Variants in ZNF98 observed in about 807,000 individuals in gnomAD.
ZNF98 encodes the protein zinc finger protein 98.
A neutral mutation model predicts 12.8 loss-of-function variants in ZNF98; 8 were observed. The ratio of observed to expected loss-of-function variants is 0.63; its 90% confidence interval spans 0.37 to 1.13. The LOEUF (loss-of-function observed/expected upper bound fraction) is 1.13. Among genes scored for constraint, ZNF98 ranks in the 50% most tolerant of loss-of-function variants. ZNF98 has a pLI of 0.01. For missense variants in ZNF98, 379 were observed against 666.1 expected (o/e 0.57, Z 4.74); for synonymous variants, 112 against 223.5 (o/e 0.50, Z 4.45).
At chr19:22,414,232 C>CAAAAAAAAAAAAAAAAAAAAAA (rs57966582) in intron 1 of ZNF98, among the ~76,000 whole-genome samples, 7 of 89,390 alleles carry the variant, frequency 7.8e-5, no homozygotes, top group East Asian at 3.2e-4. Flanking sequence ...GACTCCATCT[C>CAAAAAAAAAAAAAAAAAAAAAA]AAAAAAAAAA....
At position 22,392,667 on chromosome 19, in the gene ZNF98, A is replaced by G; in HGVS notation, c.568T>C (p.Ser190Pro). Residue 190 changes from serine (S) to proline (P), a missense_variant, in exon 4 of 4, where the codon TCA becomes CCA. Transcript: ENST00000357774. Reference protein sequence around the residue: ...KSFKCKECEKSFCMLSHLAQH... With the variant: ...KSFKCKECEKPFCMLSHLAQH... Reference sequence around the variant, plus strand: ...GCTAAGTGTGAAAGCATGCAAAATGACTTTTCACATTCTTTACACTTGAAA... The same window carrying G: ...GCTAAGTGTGAAAGCATGCAAAATGGCTTTTCACATTCTTTACACTTGAAA... The G allele has an allele frequency of 6.3e-7, 1 of 1,594,394 alleles. No homozygotes were observed.
chr19:22,409,905 C>CT (rs1338181900), intron 1 of ZNF98, among the ~76,000 whole-genome samples: 1 of 100,888 alleles, frequency 9.9e-6, no homozygotes, highest in African/African-American at 4.1e-5. Flanking sequence ...GAACGAGACT[C>CT]TATCTCACAA....
At chr19:22,407,851 C>T (rs1234237543) in intron 1 of ZNF98, among the ~76,000 whole-genome samples, 3 of 151,988 alleles carry the variant, frequency 2.0e-5, no homozygotes, top group Non-Finnish European at 4.4e-5. Flanking sequence ...GGGCAGATCA[C>T]GTGAGAACAG....
In ZNF98 at chr19:22,407,298, C is replaced by G. The variant is rs527914038; in HGVS notation, c.31-3786G>C. Among the ~76,000 whole-genome samples, 15 of 151,900 alleles carry G rather than the reference C, an allele frequency of 9.9e-5. 1 individual carries two copies. In the South Asian group the frequency reaches 2.9e-3, roughly 30 times the overall value. ...TTTCGAACTCTTGACCTCAGATGAT[C>G]CCCCTGCCTTGGCTTCCCAAAGTGC... On this transcript the variant is annotated intron_variant, in intron 1 of 3. Coordinates refer to ENST00000357774, the MANE Select transcript of ZNF98 (RefSeq NM_001098626.2).
chr19:22,396,450 CAAAG>C (rs1969395487), intron 3 of ZNF98, among the ~76,000 whole-genome samples: 1 of 151,484 alleles, frequency 6.6e-6, no homozygotes, highest in African/African-American at 2.4e-5. Context: ...CAAAAAGACA[CAAAG>C]AGAGAAAATG....
rs1555704150 is a variant in ZNF98 at position 22,403,272 on chromosome 19, A to AAC, written c.157+113_157+114insGT. ...AATCTTGAAGTTAAAAAAAAAAAAC[A>AAC]AAAAAAAAAAACAGAGATCTGAAAG... On this transcript the variant is annotated intron_variant, in intron 2 of 3. Transcript: ENST00000357774. 498 of 945,258 alleles carry AAC rather than the reference A, an allele frequency of 5.3e-4. 1 individual carries two copies. Among genetic ancestry groups the AAC allele is most frequent in the South Asian group, 1.2e-3 (52 of 43,124 alleles). 58.6% of individuals were successfully genotyped at this position (945,258 alleles called of 1,614,324 possible).
At chr19:22,414,554 A>T (rs1176025010) in intron 1 of ZNF98, among the ~76,000 whole-genome samples, 1 of 152,118 alleles carries the variant, frequency 6.6e-6, no homozygotes, top group Admixed American at 6.6e-5. Context: ...ACAGACCAAT[A>T]CAACAGAATA....
rs7247735 is a variant in ZNF98 at position 22,392,686 on chromosome 19, C to T, written c.549G>A (p.Lys183=). The T allele has an allele frequency of 0.44, 701,816 of 1,590,120 alleles. 157,749 individuals carry two copies. The highest frequency in any genetic ancestry group is 0.47 in the Non-Finnish European group (543,403 of 1,166,428). Residue 183 remains lysine (K), a synonymous_variant, in exon 4 of 4, where the codon AAG becomes AAA. Transcript: ENST00000357774. ...KIGHTGKKSF[K]CKECEKSFCM... ...AAAATGACTTTTCACATTCTTTACA[C>T]TTGAAAGATTTCTTTCCAGTATGTC... is the stretch of plus-strand genomic sequence containing the variant.
At chr19:22,410,607 G>C (rs1276843330) in intron 1 of ZNF98, among the ~76,000 whole-genome samples, 1 of 152,172 alleles carries the variant, frequency 6.6e-6, no homozygotes, top group East Asian at 1.9e-4. Flanking sequence ...TTGTGAAGTG[G>C]GGGCAAGGGG....
chr19:22,411,570 A>T (rs979977690), intron 1 of ZNF98, among the ~76,000 whole-genome samples: 4 of 152,232 alleles, frequency 2.6e-5, no homozygotes, highest in Admixed American at 1.3e-4. Flanking sequence ...CAAAGCAAAA[A>T]CAAAGCTATG....
chr19:22,414,232 C>CAAAAAAAAAAAAAAA (rs57966582), intron 1 of ZNF98, among the ~76,000 whole-genome samples: 2 of 89,392 alleles, frequency 2.2e-5, no homozygotes, highest in African/African-American at 1.2e-4. Context: ...GACTCCATCT[C>CAAAAAAAAAAAAAAA]AAAAAAAAAA....
At chr19:22,405,642 C>A (rs2145115727) in intron 1 of ZNF98, among the ~76,000 whole-genome samples, 1 of 152,296 alleles carries the variant, frequency 6.6e-6, no homozygotes, top group South Asian at 2.1e-4. Flanking sequence ...GGGTCCCAAC[C>A]CCAGAGCTGT....
intron 1 of ZNF98, among the ~76,000 whole-genome samples, chr19:22,411,842 T>C (rs1168371149): frequency 2.6e-5 from 4 of 152,228 alleles, no homozygotes; most frequent in Non-Finnish European, 5.9e-5. Flanking sequence ...GACATCTGAA[T>C]TGTGAACTTG....
At chr19:22,402,520 CTCT>C (rs1333498598) in intron 3 of ZNF98, 24 of 420,654 alleles carry the variant, frequency 5.7e-5, no homozygotes, top group Non-Finnish European at 8.7e-5. Flanking sequence ...ATTTCACAGT[CTCT>C]TATGTGCCAT....
Sources: gnomAD v4.1 joint callset for allele counts (sites outside exome capture counted in the v4.1 genomes callset) on GRCh38, gnomAD v4.1.1 for gene constraint, MANE v1.5 for transcripts, NCBI Gene and HGNC (gene_info 2026-07-23, HGNC 2026-07-21) for gene names.